Variants in DACT1 observed in about 807,000 individuals in gnomAD.
DACT1 encodes the protein dishevelled binding antagonist of beta catenin 1, also known as dapper homolog 1.
In DACT1, 19 loss-of-function variants were observed where a neutral mutation model predicts 35.3. That is an observed-to-expected ratio of 0.54 (90% CI 0.38 to 0.79). The LOEUF (loss-of-function observed/expected upper bound fraction) is 0.79. DACT1 is among the 30% of genes least tolerant of loss of function. The probability of loss-of-function intolerance (pLI) is 0.00; values close to 1 mark genes in which losing one functional copy is unlikely to be tolerated. For synonymous variants in DACT1, 545 were observed against 466.7 expected (o/e 1.17, Z -2.16); for missense variants, 1,143 against 1,057.5 (o/e 1.08, Z -1.12).
upstream of DACT1, chr14:58,634,278 C>T (rs1022122277): frequency 2.6e-5 from 4 of 152,182 alleles, no homozygotes; most frequent in Non-Finnish European, 4.4e-5. Context: ...TCAAACAAGA[C>T]CAGCATTGTC....
chr14:58,645,927 T>A lies in DACT1; in HGVS notation c.1193T>A (p.Leu398Gln). ...AEQAESKRVPLPEGCPSGAAS... is the reference protein window; with the variant it reads ...AEQAESKRVPQPEGCPSGAAS... The stretch of plus-strand genomic sequence containing the variant: ...CAAGCCGAAAGCAAGAGGGTGCCCC[T>A]GCCAGAGGGCTGCCCCTCAGGCGCT... The change falls in exon 4 of 4, where the codon CTG (leucine) becomes CAG (glutamine). Residue 398 changes from leucine (L) to glutamine (Q), a missense_variant. Physicochemically the swap from Leu to Gln is moderately radical, Grantham distance 113 (BLOSUM62 -2). This residue lies in a region of DACT1 where 1,054 missense variants were observed against 958.8 expected (regional missense o/e 1.10). Coordinates refer to ENST00000395153, the MANE Select transcript of DACT1 (RefSeq NM_001079520.2). The A allele has an allele frequency of 6.2e-7, 1 of 1,614,096 alleles. No homozygotes were observed. Among genetic ancestry groups the A allele is most frequent in the Non-Finnish European group, 8.5e-7 (1 of 1,180,032 alleles).
Position 58,645,879 on chromosome 14 carries a change from G to A in DACT1, c.1145G>A (p.Trp382Ter), listed in dbSNP as rs1064797092. ...GGGACATTCTCCCCACCGAAGCAGTGGTCGAAAGAATCAAAGGCCGAACAA... is the reference window on the plus strand; with the variant it reads ...GGGACATTCTCCCCACCGAAGCAGTAGTCGAAAGAATCAAAGGCCGAACAA... ...NNGTFSPPKQ[W>*]SKESKAEQAE... The change falls in exon 4 of 4, where the codon TGG becomes TAG. Residue 382 changes from tryptophan (W) to a stop codon, truncating the protein, a stop_gained. Coordinates refer to ENST00000395153, the MANE Select transcript of DACT1 (RefSeq NM_001079520.2). LOFTEE classifies it low-confidence loss of function (END_TRUNC). 6.2e-7 allele frequency: 1 copy of A among 1,614,254 alleles called. No homozygotes were observed. Among genetic ancestry groups the A allele is most frequent in the Non-Finnish European group, 8.5e-7 (1 of 1,180,058 alleles).
chr14:58,647,312 G>GA lies in DACT1; in HGVS notation c.*180dup. The GA allele has an allele frequency of 1.4e-6, 1 of 720,046 alleles. No individual in the cohort carries two copies. The highest frequency in any genetic ancestry group is 2.1e-5 in the South Asian group (1 of 48,678). 44.6% of individuals were successfully genotyped at this position (720,046 alleles called of 1,614,324 possible). A position where few individuals can be genotyped will look rare whatever the true frequency, so the allele number is the denominator to read the frequency against. The stretch of plus-strand genomic sequence containing the variant: ...CGTATGGATGCTAGTGCCTTTAATG[G>GA]AAGGTAAAGAATGTTTTGCTAGTTA... On this transcript the variant is annotated 3_prime_UTR_variant, in exon 4 of 4. Coordinates refer to ENST00000395153, the MANE Select transcript of DACT1 (RefSeq NM_001079520.2).
At position 58,638,195 on chromosome 14, in the gene DACT1, TG is replaced by T. The variant is rs1479278571; in HGVS notation, c.-3del. On this transcript the variant is annotated 5_prime_UTR_variant, in exon 1 of 4. Transcript: ENST00000395153. ...GCGGTGACGGCTCTCGCTGCCCGAC[TG>T]GGGGCCATGAAGCCGAGTCCGGCCG... is the stretch of plus-strand genomic sequence containing the variant. The T allele has an allele frequency of 8.4e-6, 11 of 1,316,010 alleles. No individual in the cohort carries two copies. Among genetic ancestry groups the T allele is most frequent in the South Asian group, 4.0e-5 (2 of 49,584 alleles). 81.5% of individuals were successfully genotyped at this position (1,316,010 alleles called of 1,614,324 possible). A position where few individuals can be genotyped will look rare whatever the true frequency, so the allele number is the denominator to read the frequency against.
chr14:58,643,283 C>G (rs1005785952), intron 3 of DACT1, among the ~76,000 whole-genome samples: 2 of 152,226 alleles, frequency 1.3e-5, no homozygotes, highest in Admixed American at 6.5e-5. Flanking sequence ...AAGACTCCTT[C>G]CTTAGTCCTG....
chr14:58,640,241 C>T (rs1035348586), intron 1 of DACT1, among the ~76,000 whole-genome samples: 4 of 152,202 alleles, frequency 2.6e-5, no homozygotes, highest in Non-Finnish European at 4.4e-5. Context: ...CTTTCAAAGG[C>T]TCTAAGACTG....
rs755597010 is a variant in DACT1, at chr14:58,645,946, A to C, written c.1212A>C (p.Ser404=). The change falls in exon 4 of 4, where the codon TCA becomes TCC. Residue 404 remains serine (S), a synonymous_variant. Coordinates refer to ENST00000395153, the MANE Select transcript of DACT1 (RefSeq NM_001079520.2). Reference sequence around the variant, plus strand: ...TGCCCCTGCCAGAGGGCTGCCCCTCAGGCGCTGCCTCCGACCTTCAGAGTA... The same window carrying C: ...TGCCCCTGCCAGAGGGCTGCCCCTCCGGCGCTGCCTCCGACCTTCAGAGTA... ...KRVPLPEGCP[S]GAASDLQSKH... 1 of 1,613,968 alleles carries C rather than the reference A, an allele frequency of 6.2e-7. No individual in the cohort carries two copies. Among genetic ancestry groups the C allele is most frequent in the Non-Finnish European group, 8.5e-7 (1 of 1,180,020 alleles).
chr14:58,643,127 T>A (rs1209147910), intron 3 of DACT1, among the ~76,000 whole-genome samples: 1 of 152,244 alleles, frequency 6.6e-6, no homozygotes, highest in Non-Finnish European at 1.5e-5. Context: ...CAGGCCTAAC[T>A]GCCAGGTCCA....
At chr14:58,637,614 C>G (rs979498631), upstream of DACT1, among the ~76,000 whole-genome samples, 2 of 152,200 alleles carry the variant, frequency 1.3e-5, no homozygotes, top group Non-Finnish European at 1.5e-5. Flanking sequence ...CCGTCGCGGC[C>G]CCTGCCTGCG....
At chr14:58,634,121 T>G (rs1167044299), upstream of DACT1, 1 of 152,176 alleles carries the variant, frequency 6.6e-6, no homozygotes, top group Non-Finnish European at 1.5e-5. Flanking sequence ...CCACCAAACT[T>G]CATGGAATCA....
chr14:58,643,176 T>C (rs1032993575), intron 3 of DACT1, among the ~76,000 whole-genome samples: 2 of 152,222 alleles, frequency 1.3e-5, no homozygotes, highest in African/African-American at 4.8e-5. Flanking sequence ...AAATTGTTGT[T>C]TTCAACCTTC....
chr14:58,642,902 TG>T (rs796490560), intron 3 of DACT1, among the ~76,000 whole-genome samples: 97 of 152,364 alleles, frequency 6.4e-4, no homozygotes, highest in African/African-American at 2.3e-3. Context: ...GAAGGAATCA[TG>T]CTATTGTACT....
chr14:58,641,761 G>C lies in DACT1; in HGVS notation c.634+14G>C. On this transcript the variant is annotated intron_variant, in intron 3 of 3. Coordinates refer to ENST00000395153, the MANE Select transcript of DACT1 (RefSeq NM_001079520.2). ...CCAAATCTGCAGGTAAGAATTTTTA[G>C]CACTGATAGAAATTTTTAATTGGAA... 6.2e-7 allele frequency: 1 copy of C among 1,611,074 alleles called. No homozygotes were observed. The highest frequency in any genetic ancestry group is 8.5e-7 in the Non-Finnish European group (1 of 1,179,104).
upstream of DACT1, among the ~76,000 whole-genome samples, chr14:58,637,404 T>G (rs1213449364): frequency 1.3e-5 from 2 of 152,262 alleles, no homozygotes; most frequent in Admixed American, 1.3e-4. Flanking sequence ...TGCTCTGTAT[T>G]GCTTGCCTTT....
intron 1 of DACT1, chr14:58,638,768 G>A (rs927940392): frequency 1.0e-4 from 123 of 1,195,444 alleles, no homozygotes; most frequent in Non-Finnish European, 1.2e-4. Flanking sequence ...CTTTGTGTCT[G>A]GCGACCTCGC....
chr14:58,636,656 G>C (rs2047574217), upstream of DACT1, among the ~76,000 whole-genome samples: 1 of 152,116 alleles, frequency 6.6e-6, no homozygotes, highest in Admixed American at 6.5e-5. Flanking sequence ...ATGGGCAAAA[G>C]TGCAAGTGTC....
At chr14:58,641,503 T>G in intron 2 of DACT1, 89 bp from the exon 3 acceptor site, 1 of 1,430,732 alleles carries the variant, frequency 7.0e-7, no homozygotes. Context: ...AAATCTCCTT[T>G]TCCTAAATGA....
intron 3 of DACT1, among the ~76,000 whole-genome samples, chr14:58,642,080 CTTCTT>C (rs1259872320): frequency 6.6e-6 from 1 of 152,146 alleles, no homozygotes; most frequent in Non-Finnish European, 1.5e-5. Flanking sequence ...GAACTGTTTT[CTTCTT>C]TTAATTATGT....
intron 1 of DACT1, 143 bp from the exon 2 acceptor site, chr14:58,640,593 C>T (rs776241329): frequency 2.5e-5 from 21 of 839,488 alleles, no homozygotes; most frequent in Non-Finnish European, 3.1e-5. Context: ...CGAAGTTTTT[C>T]GTTACTTCAG....
Sources: allele counts gnomAD v4.1 joint callset (sites outside exome capture counted in the v4.1 genomes callset), GRCh38; gene constraint gnomAD v4.1.1; regional missense constraint gnomAD v4.1.1; transcripts MANE v1.5; gene names NCBI Gene and HGNC (gene_info 2026-07-23, HGNC 2026-07-21).